The following STK32B variants were observed in gnomAD, a reference collection of about 807,000 sequenced individuals.
STK32B encodes the protein serine/threonine kinase 32B, also known as serine/threonine-protein kinase 32B.
STK32B carries 43 observed loss-of-function variants against 52.6 expected under a neutral mutation model. That is an observed-to-expected ratio of 0.82 (90% confidence interval 0.64 to 1.05). The LOEUF is 1.05. STK32B is among the 50% of genes least tolerant of loss of function. The pLI, the probability that STK32B is intolerant of heterozygous loss-of-function variation, is 0.00. For missense variants in STK32B, 621 were observed against 534.6 expected, an observed-to-expected ratio of 1.16 and a Z score of -1.59; for synonymous variants, 238 against 204.3, an observed-to-expected ratio of 1.17 and a Z score of -1.41.
chr4:5,498,807 C>T (rs1453474143), intron 11 of STK32B, 138 bp from the exon 12 acceptor site: 1 of 1,306,764 alleles, frequency 7.7e-7, no homozygotes, highest in Non-Finnish European at 1.0e-6. Flanking sequence ...CCGTGGATGC[C>T]TTAATGATCA....
At chr4:5,255,730 A>G (rs918521343) in intron 3 of STK32B, among the ~76,000 whole-genome samples, 1 of 152,214 alleles carries the variant, frequency 6.6e-6, no homozygotes, top group Admixed American at 6.5e-5. Context: ...TTTGAGATTC[A>G]TAATGTCATT....
intron 4 of STK32B, among the ~76,000 whole-genome samples, chr4:5,352,453 T>C (rs1733887107): frequency 6.6e-6 from 1 of 151,752 alleles, no homozygotes; most frequent in African/African-American, 2.4e-5. Context: ...CTCAACAAAA[T>C]AAAGGCCATA....
At chr4:5,158,139 G>A in intron 2 of STK32B, among the ~76,000 whole-genome samples, 1 of 152,114 alleles carries the variant, frequency 6.6e-6, no homozygotes, top group East Asian at 1.9e-4. Context: ...ATCCATTACT[G>A]ACCAGCTTGG....
At chr4:5,377,546 A>G (rs79217948) in intron 4 of STK32B, among the ~76,000 whole-genome samples, 4,829 of 152,306 alleles carry the variant, frequency 0.032, 254 homozygotes, top group African/African-American at 0.11. Flanking sequence ...GCTTTCCACA[A>G]AAGATATCCA....
At chr4:5,278,455 A>G (rs1313082327) in intron 3 of STK32B, among the ~76,000 whole-genome samples, 1 of 152,200 alleles carries the variant, frequency 6.6e-6, no homozygotes, top group Non-Finnish European at 1.5e-5. Context: ...TGAAACTGCC[A>G]CATAAACTGG....
At position 5,241,574 on chromosome 4, in the gene STK32B, A is replaced by AT. The variant is rs201380854; in HGVS notation, c.260+73131dup. ...TATTTTATTTTATTTTATTTTATTT[A>AT]TTTTTTTAATTATTATTATACTTTA... On this transcript the variant is annotated intron_variant, in intron 3 of 11. Transcript: ENST00000282908. Among the ~76,000 whole-genome samples the AT allele has an allele frequency of 7.6e-3, 1,150 of 151,708 alleles. 11 individuals carry two copies. The highest frequency in any genetic ancestry group is 0.019 in the Admixed American group (286 of 15,224).
At chr4:5,320,132 T>G (rs1399458837) in intron 3 of STK32B, among the ~76,000 whole-genome samples, 1 of 152,144 alleles carries the variant, frequency 6.6e-6, no homozygotes, top group Non-Finnish European at 1.5e-5. Context: ...CCCTCCCCTT[T>G]TTTGATAGGT....
intron 3 of STK32B, among the ~76,000 whole-genome samples, chr4:5,220,147 A>G (rs35720682): frequency 0.23 from 35,033 of 152,090 alleles, 5,101 homozygotes; most frequent in Non-Finnish European, 0.33. Flanking sequence ...CAACCAGAAG[A>G]TGTACACCGA....
At chr4:5,454,846 G>C (rs193084848) in intron 7 of STK32B, among the ~76,000 whole-genome samples, 1 of 152,206 alleles carries the variant, frequency 6.6e-6, no homozygotes, top group Non-Finnish European at 1.5e-5. Flanking sequence ...GGTGAAGTGC[G>C]AAGGGATCTC....
At chr4:5,390,598 G>C (rs1736535411) in intron 4 of STK32B, among the ~76,000 whole-genome samples, 1 of 152,140 alleles carries the variant, frequency 6.6e-6, no homozygotes, top group Non-Finnish European at 1.5e-5. Context: ...CTTCTCCTCT[G>C]TGTGTACCTG....
chr4:5,421,477 A>G (rs1403236193), intron 6 of STK32B, among the ~76,000 whole-genome samples: 3 of 151,934 alleles, frequency 2.0e-5, no homozygotes, highest in Admixed American at 6.6e-5. Flanking sequence ...CATCTGCCTC[A>G]GCCTCCCAAA....
chr4:5,414,680 T>C (rs1027299057), intron 5 of STK32B, among the ~76,000 whole-genome samples: 1 of 152,328 alleles, frequency 6.6e-6, no homozygotes, highest in East Asian at 1.9e-4. Context: ...AAAGCCCCCA[T>C]ATATATGGAT....
Position 5,274,064 on chromosome 4 carries a change from A to C in STK32B, c.261-57156A>C, listed in dbSNP as rs538102734. On this transcript the variant is annotated intron_variant, in intron 3 of 11. Coordinates refer to ENST00000282908, the MANE Select transcript of STK32B (RefSeq NM_018401.3). Reference sequence around the variant, plus strand: ...ATTGCTAAGCTGTCAGTTCTTTGCAAATTTATCCATATATTCCACACAATC... The same window carrying C: ...ATTGCTAAGCTGTCAGTTCTTTGCACATTTATCCATATATTCCACACAATC... Among the ~76,000 whole-genome samples, 147 of 152,326 alleles carry C rather than the reference A, an allele frequency of 9.7e-4. 1 individual carries two copies. Among genetic ancestry groups the C allele is most frequent in the African/African-American group, 3.4e-3 (141 of 41,582 alleles).
intron 2 of STK32B, among the ~76,000 whole-genome samples, chr4:5,147,430 T>C (rs1442083188): frequency 6.6e-6 from 1 of 152,150 alleles, no homozygotes; most frequent in Non-Finnish European, 1.5e-5. Context: ...TTTAAATCTT[T>C]ATTGCAGTAG....
chr4:5,063,058 T>G (rs1271878917), intron 1 of STK32B, among the ~76,000 whole-genome samples: 1 of 152,174 alleles, frequency 6.6e-6, no homozygotes, highest in Non-Finnish European at 1.5e-5. Flanking sequence ...TGTGAACAAT[T>G]TTGTGTATGT....
intron 7 of STK32B, 115 bp downstream of exon 7, chr4:5,446,891 C>T: frequency 2.1e-6 from 2 of 935,120 alleles, no homozygotes; most frequent in Non-Finnish European, 3.3e-6. Flanking sequence ...CTGGGGGAGT[C>T]ACTGCCCCCC....
At chr4:5,381,181 TTTCCCA>T (rs1735912460) in intron 4 of STK32B, among the ~76,000 whole-genome samples, 3 of 152,200 alleles carry the variant, frequency 2.0e-5, no homozygotes, top group Admixed American at 2.0e-4. Flanking sequence ...AAATAGATGA[TTTCCCA>T]AGACTCCCTG....
rs1367011373 is a variant in STK32B, at chr4:5,386,205, C to CT, written c.435-12001dup. Among the ~76,000 whole-genome samples the CT allele has an allele frequency of 6.6e-5, 10 of 152,212 alleles. No individual in the cohort carries two copies. Among genetic ancestry groups the CT allele is most frequent in the African/African-American group, 2.4e-4 (10 of 41,544 alleles). The stretch of plus-strand genomic sequence containing the variant: ...CACACAGCACCCTCACTCTCCCCCT[C>CT]TATTTCCCTCAGCGTATCATATTAT... On this transcript the variant is annotated intron_variant, in intron 4 of 11. Transcript: ENST00000282908. The surrounding 1 kb of genome is among the most constrained non-coding windows in gnomAD (Gnocchi z 4.5).
chr4:5,407,408 T>A (rs1016172405), intron 5 of STK32B, among the ~76,000 whole-genome samples: 2 of 152,162 alleles, frequency 1.3e-5, no homozygotes, highest in Non-Finnish European at 2.9e-5. Context: ...CAAAGTCGCT[T>A]ACATATTTTC....
Sources: allele counts gnomAD v4.1 joint callset (sites outside exome capture counted in the v4.1 genomes callset), GRCh38; gene constraint gnomAD v4.1.1; non-coding constraint Gnocchi (gnomAD v3.1); transcripts MANE v1.5; gene names NCBI Gene and HGNC (gene_info 2026-07-23, HGNC 2026-07-21).